The following WLS variants were observed in gnomAD, a reference collection of about 807,000 sequenced individuals.
WLS encodes protein wntless homolog.
Under a neutral mutation model 62.8 loss-of-function variants are expected in WLS, and 23 were observed. The ratio of observed to expected loss-of-function variants is 0.37; its 90% CI spans 0.26 to 0.52. WLS has a LOEUF of 0.52. Ranked by LOEUF, WLS falls within the 20% of genes least tolerant of loss-of-function variation. WLS has a pLI of 0.92. For synonymous variants in WLS, 246 were observed against 244.1 expected (o/e 1.01, Z -0.07); for missense variants, 615 against 697.3 (o/e 0.88, Z 1.33).
chr1:68,121,402 C>A (rs1646362143), downstream of WLS, among the ~76,000 whole-genome samples: 1 of 152,152 alleles, frequency 6.6e-6, no homozygotes, highest in African/African-American at 2.4e-5. Flanking sequence ...AAGGTCTGGT[C>A]TCAATAGTGA....
At chr1:68,111,389 T>G (rs1355767202) in intron 11 of WLS, among the ~76,000 whole-genome samples, 1 of 152,148 alleles carries the variant, frequency 6.6e-6, no homozygotes, top group Non-Finnish European at 1.5e-5. Context: ...AATTCTTGTT[T>G]TTTCTTCCCC....
chr1:68,231,771 T>C (rs1373851673), intron 1 of WLS: 9 of 471,518 alleles, frequency 1.9e-5, no homozygotes, highest in South Asian at 3.1e-5. Flanking sequence ...GACTCTTCTG[T>C]TGTTCCTAAT....
chr1:68,226,689 T>C (rs373725641), intron 1 of WLS, among the ~76,000 whole-genome samples: 7 of 152,156 alleles, frequency 4.6e-5, no homozygotes, highest in Non-Finnish European at 1.0e-4. Flanking sequence ...TCAAGCTCCA[T>C]GTCTCCTCTT....
chr1:68,130,889 CTTTTTTTT>C (rs56038722), intron 11 of WLS, among the ~76,000 whole-genome samples: 4 of 100,838 alleles, frequency 4.0e-5, no homozygotes, highest in Admixed American at 1.2e-4. Context: ...GTTTCTTCTT[CTTTTTTTT>C]TTTTTTTTTT....
intron 3 of WLS, among the ~76,000 whole-genome samples, chr1:68,155,585 G>A (rs551301956): frequency 6.6e-6 from 1 of 152,210 alleles, no homozygotes; most frequent in African/African-American, 2.4e-5. Context: ...CGCATCTTAC[G>A]AATCTTGTCT....
At chr1:68,170,779 T>G (rs2772305) in intron 2 of WLS, among the ~76,000 whole-genome samples, 136,388 of 151,704 alleles carry the variant, frequency 0.9, 61,596 homozygotes, top group Middle Eastern at 0.99. Context: ...ATTCTCCATG[T>G]TGCTTCTCCT....
rs527422128 is a variant in WLS, at chr1:68,221,679, G to A, written c.106+10515C>T. Among the ~76,000 whole-genome samples, 9 of 152,274 alleles carry A rather than the reference G, an allele frequency of 5.9e-5. No individual in the cohort carries two copies. In the South Asian group the frequency reaches 1.7e-3, roughly 28 times the overall value. On this transcript the variant is annotated intron_variant, in intron 1 of 11. Transcript: ENST00000262348. ...GGCTGGAATTCATAAAACATGGAACGTAACTTTTTTAGTGATCACCTGAAG... is the reference window on the plus strand; with the variant it reads ...GGCTGGAATTCATAAAACATGGAACATAACTTTTTTAGTGATCACCTGAAG...
Position 68,159,205 on chromosome 1 carries a change from C to A in WLS, c.422G>T (p.Arg141Leu). 2 of 1,614,078 alleles carry A rather than the reference C, an allele frequency of 1.2e-6. No homozygotes were observed. The highest frequency in any genetic ancestry group is 1.7e-6 in the Non-Finnish European group (2 of 1,180,004). ...EVSMDVSLAY[R>L]DDAFAEWTEM... Reference sequence around the variant, plus strand: ...AGTCCACTCAGCAAACGCGTCATCACGGTAAGCCAGGGAAACGTCCATGGA... The same window carrying A: ...AGTCCACTCAGCAAACGCGTCATCAAGGTAAGCCAGGGAAACGTCCATGGA... Residue 141 changes from arginine (R) to leucine (L), a missense_variant, in exon 3 of 12, where the codon CGT becomes CTT. Transcript: ENST00000262348.
At chr1:68,206,950 CCTTATATTTTCACAT>C (rs1157126457) in intron 1 of WLS, among the ~76,000 whole-genome samples, 1 of 152,158 alleles carries the variant, frequency 6.6e-6, no homozygotes, top group Non-Finnish European at 1.5e-5. Flanking sequence ...CCCTCCTTGT[CCTTATATTTTCACAT>C]CTGTTAGAAG....
At chr1:68,170,332 A>AC (rs1228371305) in intron 2 of WLS, among the ~76,000 whole-genome samples, 2 of 151,438 alleles carry the variant, frequency 1.3e-5, no homozygotes, top group African/African-American at 4.9e-5. Flanking sequence ...TGCCTGGCTA[A>AC]TTTTTTTGTA....
chr1:68,153,534 G>A lies in WLS; in HGVS notation c.786C>T (p.Pro262=), dbSNP rs748998121. The change falls in exon 5 of 12, where the codon CCC becomes CCT. Residue 262 remains proline (P), a synonymous_variant. Coordinates refer to ENST00000262348, the MANE Select transcript of WLS (RefSeq NM_024911.7). ...YWRRITMMSR[P]PVLLEKVIFA... Reference sequence around the variant, plus strand: ...GCTCTTACTTTTCCAGAAGCACTGGGGGTCGGGACATCATGGTGATCCTCC... The same window carrying A: ...GCTCTTACTTTTCCAGAAGCACTGGAGGTCGGGACATCATGGTGATCCTCC... 1 of 1,614,086 alleles carries A rather than the reference G, an allele frequency of 6.2e-7. No individual in the cohort carries two copies. The highest frequency in any genetic ancestry group is 1.1e-5 in the South Asian group (1 of 91,070).
chr1:68,162,089 C>T, intron 2 of WLS: 6 of 1,568,052 alleles, frequency 3.8e-6, no homozygotes, highest in Non-Finnish European at 4.4e-6. Context: ...GCAGCTGCCT[C>T]CCTCATCTCC....
chr1:68,148,694 G>A (rs1232196939), intron 6 of WLS, 34 bp from the exon 7 acceptor site: 26 of 1,601,856 alleles, frequency 1.6e-5, no homozygotes, highest in Non-Finnish European at 2.1e-5. Flanking sequence ...GGAGATAGAG[G>A]GGAGAGGAAG....
At chr1:68,167,040 T>C (rs910202374) in intron 2 of WLS, among the ~76,000 whole-genome samples, 1 of 152,150 alleles carries the variant, frequency 6.6e-6, no homozygotes, top group African/African-American at 2.4e-5. Context: ...ATAGCACACA[T>C]GAGGTAGCAC....
chr1:68,208,512 G>T (rs1193425565), intron 1 of WLS, among the ~76,000 whole-genome samples: 2 of 152,174 alleles, frequency 1.3e-5, no homozygotes, highest in South Asian at 2.1e-4. Flanking sequence ...TGGAAGAGAC[G>T]TTAGAAACAT....
intron 1 of WLS, among the ~76,000 whole-genome samples, chr1:68,224,978 A>G (rs1352529721): frequency 6.6e-6 from 1 of 152,100 alleles, no homozygotes; most frequent in Non-Finnish European, 1.5e-5. Flanking sequence ...CTTATTTACT[A>G]TCTCTGCAAC....
chr1:68,130,092 G>C (rs1171986169), intron 11 of WLS, among the ~76,000 whole-genome samples: 3 of 152,216 alleles, frequency 2.0e-5, no homozygotes, highest in Non-Finnish European at 2.9e-5. Context: ...CTGCTTGGTT[G>C]TAACTGCCTG....
chr1:68,156,538 C>T (rs189668999), intron 3 of WLS, among the ~76,000 whole-genome samples: 150 of 152,228 alleles, frequency 9.9e-4, no homozygotes, highest in Middle Eastern at 6.8e-3. Flanking sequence ...GAGACACACA[C>T]GGCAAGGTAG....
At chr1:68,121,563 C>A (rs1238625191), downstream of WLS, among the ~76,000 whole-genome samples, 2 of 152,162 alleles carry the variant, frequency 1.3e-5, no homozygotes, top group Non-Finnish European at 2.9e-5. Context: ...GCAACAAAAT[C>A]AATCACGTAT....
Sources: gnomAD v4.1 joint callset for allele counts (sites outside exome capture counted in the v4.1 genomes callset) on GRCh38, gnomAD v4.1.1 for gene constraint, MANE v1.5 for transcripts, NCBI Gene and HGNC (gene_info 2026-07-23, HGNC 2026-07-21) for gene names.